Variants in GSG1L observed in about 807,000 individuals in gnomAD.
GSG1L encodes GSG1 like.
A neutral mutation model predicts 42.1 loss-of-function variants in GSG1L; 24 were observed. That is an observed-to-expected ratio of 0.57 (90% CI 0.41 to 0.80). The LOEUF (loss-of-function observed/expected upper bound fraction) is 0.80, where lower values mean the gene tolerates loss of function less well. GSG1L is among the 30% of genes least tolerant of loss of function. The probability of loss-of-function intolerance (pLI) is 0.00; values close to 1 mark genes in which losing one functional copy is unlikely to be tolerated. For missense variants in GSG1L, 445 were observed against 472.2 expected (o/e 0.94, Z 0.53); for synonymous variants, 215 against 203.5 (o/e 1.06, Z -0.48).
intron 1 of GSG1L, among the ~76,000 whole-genome samples, chr16:28,013,437 A>C (rs1311633864): frequency 2.0e-5 from 3 of 152,118 alleles, no homozygotes; most frequent in African/African-American, 7.2e-5. Context: ...CAGAAACCCA[A>C]AGAGATCATG....
intron 1 of GSG1L, among the ~76,000 whole-genome samples, chr16:27,990,183 G>A (rs2085439678): frequency 6.6e-6 from 1 of 152,000 alleles, no homozygotes; most frequent in South Asian, 2.1e-4. Context: ...TTGAACCATT[G>A]TTGTTTCTTT....
chr16:27,958,675 A>G (rs1414239922), intron 2 of GSG1L, among the ~76,000 whole-genome samples: 1 of 151,862 alleles, frequency 6.6e-6, no homozygotes, highest in African/African-American at 2.4e-5. Flanking sequence ...GGCTATCAAA[A>G]CTTCTTTTTC....
At chr16:27,803,667 C>G (rs1010010156) in intron 6 of GSG1L, among the ~76,000 whole-genome samples, 1 of 151,742 alleles carries the variant, frequency 6.6e-6, no homozygotes, top group Non-Finnish European at 1.5e-5. Flanking sequence ...CTCCCAAGAA[C>G]GACTGCAACA....
chr16:27,881,304 C>T (rs867209904), intron 3 of GSG1L, among the ~76,000 whole-genome samples: 14 of 131,116 alleles, frequency 1.1e-4, no homozygotes, highest in African/African-American at 2.6e-4. Context: ...TGCAGCTGTG[C>T]GATCTCGGTT....
chr16:28,042,957 C>T (rs573470467), intron 1 of GSG1L, among the ~76,000 whole-genome samples: 3 of 152,164 alleles, frequency 2.0e-5, no homozygotes, highest in East Asian at 1.9e-4. Flanking sequence ...AAACGCAGAG[C>T]GAAAATACAC....
chr16:28,003,003 C>T (rs1407115143), intron 1 of GSG1L, among the ~76,000 whole-genome samples: 1 of 152,166 alleles, frequency 6.6e-6, no homozygotes, highest in East Asian at 1.9e-4. Flanking sequence ...AGGCAAAAGG[C>T]ACAGCAAGTC....
intron 1 of GSG1L, among the ~76,000 whole-genome samples, chr16:27,999,538 T>C (rs1311410364): frequency 6.6e-6 from 1 of 152,252 alleles, no homozygotes; most frequent in African/African-American, 2.4e-5. Flanking sequence ...TCATGGGAAC[T>C]CTATAAATAT....
intron 2 of GSG1L, among the ~76,000 whole-genome samples, chr16:27,886,426 C>T (rs1340412564): frequency 6.6e-6 from 1 of 152,256 alleles, no homozygotes; most frequent in African/African-American, 2.4e-5. Flanking sequence ...GGCAACAGAG[C>T]GAGACTCCGT....
rs1408499505 is a variant in GSG1L, at chr16:27,879,097, A to G, written c.550+5389T>C. On this transcript the variant is annotated intron_variant, in intron 3 of 6. Transcript: ENST00000447459. ...TTCTTGCTAAAATGGGACTGAGTGG[A>G]CCAAGGACAGAACCCAAGATTGGAG... Among the ~76,000 whole-genome samples, 29 of 152,180 alleles carry G rather than the reference A, an allele frequency of 1.9e-4. 1 individual carries two copies. The highest frequency in any genetic ancestry group is 1.5e-5 in the Non-Finnish European group (1 of 68,036).
At chr16:27,864,518 T>C (rs2083692384) in intron 3 of GSG1L, among the ~76,000 whole-genome samples, 1 of 152,096 alleles carries the variant, frequency 6.6e-6, no homozygotes, top group Non-Finnish European at 1.5e-5. Context: ...AAAGCCAAAG[T>C]CATCAAATGG....
chr16:27,947,384 A>AAAAGAAAG (rs199991139), intron 2 of GSG1L, among the ~76,000 whole-genome samples: 19,680 of 130,504 alleles, frequency 0.15, 1,716 homozygotes, highest in Non-Finnish European at 0.17. Context: ...GAAAGAAAGA[A>AAAAGAAAG]AAAGAAAGAA....
chr16:27,809,893 A>G (rs2083011796), intron 5 of GSG1L, among the ~76,000 whole-genome samples: 1 of 151,892 alleles, frequency 6.6e-6, no homozygotes, highest in African/African-American at 2.4e-5. Flanking sequence ...TCTTCCCATC[A>G]CCTCTTATTC....
At chr16:27,865,633 G>GTA (rs1384809659) in intron 3 of GSG1L, among the ~76,000 whole-genome samples, 15 of 140,856 alleles carry the variant, frequency 1.1e-4, no homozygotes, top group African/African-American at 3.7e-4. Flanking sequence ...ATATATGTGT[G>GTA]TATATATGTG....
chr16:27,888,482 C>CTTTCTTT (rs1196322207), intron 2 of GSG1L, among the ~76,000 whole-genome samples: 2 of 68,950 alleles, frequency 2.9e-5, no homozygotes, highest in Admixed American at 1.5e-4. Flanking sequence ...CTCTCTCTTT[C>CTTTCTTT]CTTTCTTTCT....
intron 1 of GSG1L, among the ~76,000 whole-genome samples, chr16:28,012,585 A>G (rs1202991342): frequency 1.1e-4 from 2 of 17,790 alleles, no homozygotes; most frequent in African/African-American, 1.4e-4. Context: ...AATTTTATAC[A>G]AAAAAAAAAG....
At chr16:28,047,009 C>G (rs936780760) in intron 1 of GSG1L, among the ~76,000 whole-genome samples, 6 of 152,176 alleles carry the variant, frequency 3.9e-5, no homozygotes, top group African/African-American at 1.4e-4. Context: ...CCTAGTCATC[C>G]TCTTCACTGA....
At chr16:28,007,159 T>C (rs1268779978) in intron 1 of GSG1L, among the ~76,000 whole-genome samples, 4 of 152,148 alleles carry the variant, frequency 2.6e-5, no homozygotes, top group African/African-American at 9.7e-5. Flanking sequence ...GGGACTCTGC[T>C]GGGTGATGAA....
intron 6 of GSG1L, among the ~76,000 whole-genome samples, chr16:27,801,199 G>A (rs920737407): frequency 8.5e-5 from 13 of 152,186 alleles, no homozygotes; most frequent in South Asian, 2.1e-4. Flanking sequence ...AGAGGCCTAC[G>A]GGGTTGGGAG....
At chr16:27,905,958 G>C (rs1169478033) in intron 2 of GSG1L, among the ~76,000 whole-genome samples, 1 of 151,988 alleles carries the variant, frequency 6.6e-6, no homozygotes, top group Admixed American at 6.6e-5. Context: ...ACCAACTTCA[G>C]GGGTTTATTC....
Sources: gnomAD v4.1 joint callset for allele counts (sites outside exome capture counted in the v4.1 genomes callset) on GRCh38, gnomAD v4.1.1 for gene constraint, MANE v1.5 for transcripts, NCBI Gene and HGNC (gene_info 2026-07-23, HGNC 2026-07-21) for gene names.